Variants in MPP7 observed in about 807,000 individuals in gnomAD.
The protein encoded by MPP7 is MAGUK p55 scaffold protein 7, also known as MAGUK p55 subfamily member 7.
Under a neutral mutation model 76.5 loss-of-function variants are expected in MPP7, and 60 were observed. That is an observed-to-expected ratio of 0.78 (90% CI 0.64 to 0.97). The LOEUF is 0.97. MPP7 is among the 50% of genes least tolerant of loss of function. The pLI is 0.00. For synonymous variants in MPP7, 237 were observed against 244.5 expected (o/e 0.97, Z 0.29); for missense variants, 641 against 694.0 (o/e 0.92, Z 0.86).
chr10:28,128,012 C>A (rs1835074084), intron 6 of MPP7, among the ~76,000 whole-genome samples: 1 of 152,072 alleles, frequency 6.6e-6, no homozygotes, highest in South Asian at 2.1e-4. Flanking sequence ...GTGGCTGGAG[C>A]CCAGTAGCAG....
chr10:28,234,969 G>A (rs1262348239), intron 2 of MPP7, among the ~76,000 whole-genome samples: 1 of 152,042 alleles, frequency 6.6e-6, no homozygotes, highest in African/African-American at 2.4e-5. Context: ...TGCCACTATG[G>A]CCCTAATTTT....
At chr10:28,072,167 G>A (rs554879622) in intron 12 of MPP7, among the ~76,000 whole-genome samples, 2 of 152,176 alleles carry the variant, frequency 1.3e-5, no homozygotes, top group South Asian at 2.1e-4. Flanking sequence ...CCAGCTACTC[G>A]GGAGGCTGAG....
At chr10:28,257,754 AAAAAAAG>A (rs931117907) in intron 1 of MPP7, among the ~76,000 whole-genome samples, 22 of 151,372 alleles carry the variant, frequency 1.5e-4, no homozygotes, top group African/African-American at 4.4e-4. Flanking sequence ...ATAAAAAAAA[AAAAAAAG>A]AAAAGAAAGC....
intron 3 of MPP7, among the ~76,000 whole-genome samples, chr10:28,163,312 A>G (rs1836329365): frequency 6.6e-6 from 1 of 152,086 alleles, no homozygotes; most frequent in African/African-American, 2.4e-5. Flanking sequence ...CTGTCTCCAG[A>G]TCTTTAAGGC....
chr10:28,109,871 A>AAAC (rs1834448835), intron 11 of MPP7, among the ~76,000 whole-genome samples: 8 of 148,342 alleles, frequency 5.4e-5, no homozygotes, highest in African/African-American at 1.2e-4. Context: ...AAAAAAAAAA[A>AAAC]AACACTTAAA....
intron 12 of MPP7, among the ~76,000 whole-genome samples, chr10:28,072,494 A>C (rs1250473983): frequency 3.3e-5 from 5 of 152,204 alleles, no homozygotes; most frequent in Admixed American, 6.5e-5. Context: ...GACATCAAAA[A>C]AAGTTCCCTA....
chr10:28,125,554 G>A (rs1235919094), intron 6 of MPP7, among the ~76,000 whole-genome samples: 2 of 151,938 alleles, frequency 1.3e-5, no homozygotes, highest in Non-Finnish European at 2.9e-5. Context: ...TTGACTTTTA[G>A]TTAGTTCAGT....
In MPP7 at chr10:28,131,623, T is replaced by C. The variant is rs1452844754; in HGVS notation, c.384A>G (p.Glu128=). Residue 128 remains glutamate, a synonymous_variant, in exon 6 of 17, where the codon GAA becomes GAG. Transcript: ENST00000683449. ...NYDPVLPPMP[E]DIDDEEDSVK... ...CTGAGTCTTCCTCATCGTCAATATC[T>C]TCAGGCATAGGAGGCAACACTGGGT... 6.2e-7 allele frequency: 1 copy of C among 1,607,360 alleles called. No homozygotes were observed. Among genetic ancestry groups the C allele is most frequent in the Non-Finnish European group, 8.5e-7 (1 of 1,176,034 alleles).
At chr10:28,241,515 G>A (rs1839267593) in intron 1 of MPP7, among the ~76,000 whole-genome samples, 1 of 152,164 alleles carries the variant, frequency 6.6e-6, no homozygotes, top group Non-Finnish European at 1.5e-5. Context: ...TTAAACTTTT[G>A]TAGTAATGAT....
chr10:28,109,860 A>ACAAAACAAAAC (rs72341043), intron 11 of MPP7, among the ~76,000 whole-genome samples: 1,640 of 148,852 alleles, frequency 0.011, 70 homozygotes, highest in East Asian at 0.1. Context: ...AAAAAAAAAA[A>ACAAAACAAAAC]AAAAAAAAAA....
intron 13 of MPP7, among the ~76,000 whole-genome samples, chr10:28,069,230 T>C (rs1182028115): frequency 6.6e-6 from 1 of 152,220 alleles, no homozygotes; most frequent in Non-Finnish European, 1.5e-5. Flanking sequence ...ATTGAATTGT[T>C]TGTAACTTAA....
At chr10:28,327,172 A>G (rs1033786290) in intron 2 of MPP7, among the ~76,000 whole-genome samples, 7 of 151,494 alleles carry the variant, frequency 4.6e-5, no homozygotes, top group African/African-American at 9.7e-5. Context: ...GCAAAGCCCA[A>G]ACTAGGAACT....
intron 1 of MPP7, among the ~76,000 whole-genome samples, chr10:28,297,621 C>T (rs1841063969): frequency 6.6e-6 from 1 of 152,204 alleles, no homozygotes; most frequent in Non-Finnish European, 1.5e-5. Context: ...ATCTCTTAAA[C>T]CTGGGAGGCG....
At chr10:28,298,872 A>C (rs958454654) in intron 1 of MPP7, among the ~76,000 whole-genome samples, 4 of 152,204 alleles carry the variant, frequency 2.6e-5, no homozygotes, top group Non-Finnish European at 4.4e-5. Context: ...GCACTTTTAC[A>C]TTAGGGAAGC....
chr10:28,107,429 G>A (rs111781888), intron 11 of MPP7, among the ~76,000 whole-genome samples: 12 of 152,162 alleles, frequency 7.9e-5, no homozygotes, highest in African/African-American at 2.9e-4. Context: ...TAGGGAGCAG[G>A]TACCATTCTT....
At chr10:28,151,034 A>G (rs1835867458) in intron 3 of MPP7, among the ~76,000 whole-genome samples, 1 of 152,212 alleles carries the variant, frequency 6.6e-6, no homozygotes, top group Non-Finnish European at 1.5e-5. Context: ...CATATACAAA[A>G]AACAGTTGCA....
chr10:28,252,236 C>T (rs562539546), intron 1 of MPP7, among the ~76,000 whole-genome samples: 1 of 152,320 alleles, frequency 6.6e-6, no homozygotes, highest in East Asian at 1.9e-4. Flanking sequence ...ATCTTAAGAT[C>T]AATTTCACTT....
intron 2 of MPP7, among the ~76,000 whole-genome samples, chr10:28,327,627 G>A (rs7908075): frequency 0.13 from 19,429 of 152,036 alleles, 2,133 homozygotes; most frequent in East Asian, 0.4. Flanking sequence ...AGCTCCTATT[G>A]TTCCAGCGAG....
At chr10:28,205,896 T>C (rs2134000076) in intron 2 of MPP7, among the ~76,000 whole-genome samples, 1 of 152,246 alleles carries the variant, frequency 6.6e-6, no homozygotes, top group Non-Finnish European at 1.5e-5. Context: ...ATGGATAGAT[T>C]AATGCCATTA....
Sources: allele counts gnomAD v4.1 joint callset (sites outside exome capture counted in the v4.1 genomes callset), GRCh38; gene constraint gnomAD v4.1.1; transcripts MANE v1.5; gene names NCBI Gene and HGNC (gene_info 2026-07-23, HGNC 2026-07-21).